The following LRRC4C variants were observed in gnomAD, a reference collection of about 807,000 sequenced individuals.
LRRC4C encodes the protein leucine rich repeat containing 4C.
In LRRC4C, 5 loss-of-function variants were observed where a neutral mutation model predicts 33.6. The ratio of observed to expected loss-of-function variants is 0.15; its 90% CI spans 0.08 to 0.31. The LOEUF (loss-of-function observed/expected upper bound fraction) is 0.31, where lower values mean the gene tolerates loss of function less well. LRRC4C is among the 10% of genes least tolerant of loss of function. The pLI, the probability that LRRC4C is intolerant of heterozygous loss-of-function variation, is 1.00. For missense variants in LRRC4C, 560 were observed against 796.7 expected (o/e 0.70, Z 3.58); for synonymous variants, 329 against 302.0 (o/e 1.09, Z -0.93).
intron 1 of LRRC4C, among the ~76,000 whole-genome samples, chr11:40,986,559 T>C (rs1853020253): frequency 6.6e-6 from 1 of 151,970 alleles, no homozygotes; most frequent in South Asian, 2.1e-4. Flanking sequence ...ATCACTGCAC[T>C]CCAGCTTAGG....
chr11:41,062,298 C>A (rs1024893699), intron 1 of LRRC4C, among the ~76,000 whole-genome samples: 2 of 152,106 alleles, frequency 1.3e-5, no homozygotes, highest in African/African-American at 4.8e-5. Context: ...CTATATGCAA[C>A]CATGCATTCT....
chr11:40,253,514 C>G (rs929117415), intron 4 of LRRC4C, among the ~76,000 whole-genome samples: 4 of 152,156 alleles, frequency 2.6e-5, no homozygotes, highest in South Asian at 4.1e-4. Flanking sequence ...ATGAGCATAA[C>G]AGTAACTACC....
chr11:40,182,171 A>C (rs1431934544), intron 5 of LRRC4C, among the ~76,000 whole-genome samples: 1 of 152,234 alleles, frequency 6.6e-6, no homozygotes, highest in South Asian at 2.1e-4. Context: ...ATTAAAGTTT[A>C]TTAAACACTT....
chr11:40,745,161 G>C (rs1056881927), intron 2 of LRRC4C, among the ~76,000 whole-genome samples: 5 of 152,128 alleles, frequency 3.3e-5, no homozygotes, highest in African/African-American at 9.7e-5. Flanking sequence ...TACGCAGAAA[G>C]CATTATCATG....
chr11:41,435,018 C>T (rs1955378327), intron 1 of LRRC4C, among the ~76,000 whole-genome samples: 1 of 152,078 alleles, frequency 6.6e-6, no homozygotes, highest in Non-Finnish European at 1.5e-5. Context: ...CCAACCTCAG[C>T]AATAAAGAGA....
At chr11:40,979,158 G>A (rs1852317565) in intron 1 of LRRC4C, among the ~76,000 whole-genome samples, 1 of 152,070 alleles carries the variant, frequency 6.6e-6, no homozygotes, top group African/African-American at 2.4e-5. Flanking sequence ...CTAGGCATAT[G>A]AGATTTGTTC....
intron 1 of LRRC4C, among the ~76,000 whole-genome samples, chr11:41,157,723 T>C (rs1031137848): frequency 1.3e-5 from 2 of 152,148 alleles, no homozygotes; most frequent in East Asian, 3.9e-4. Flanking sequence ...GATTTTGTAT[T>C]AGATATCATT....
At position 40,171,209 on chromosome 11, in the gene LRRC4C, T is replaced by C. The variant is rs764923126; in HGVS notation, c.-95-30356A>G. ...AATTTTTTATTGTTTGGTAGTTTCA[T>C]AATGATTTTAACAATCAAACTTGGT... is the stretch of plus-strand genomic sequence containing the variant. On this transcript the variant is annotated intron_variant, in intron 5 of 6. Transcript: ENST00000528697. Among the ~76,000 whole-genome samples, 35 of 152,242 alleles carry C rather than the reference T, an allele frequency of 2.3e-4. 1 individual carries two copies. Among genetic ancestry groups the C allele is most frequent in the Non-Finnish European group, 4.1e-4 (28 of 68,040 alleles).
At chr11:41,241,234 T>C (rs1948237185) in intron 1 of LRRC4C, among the ~76,000 whole-genome samples, 1 of 152,154 alleles carries the variant, frequency 6.6e-6, no homozygotes, top group Non-Finnish European at 1.5e-5. Context: ...TTTCTGTAGC[T>C]ACCCAGGAGG....
intron 5 of LRRC4C, among the ~76,000 whole-genome samples, chr11:40,229,334 G>T (rs1458809666): frequency 6.6e-6 from 1 of 151,984 alleles, no homozygotes; most frequent in Admixed American, 6.6e-5. Context: ...GTGCAGTAGC[G>T]TGATCTCAGC....
At chr11:40,451,930 A>AGACAGTGGGTGCAG (rs1270350491) in intron 3 of LRRC4C, among the ~76,000 whole-genome samples, 129 of 152,262 alleles carry the variant, frequency 8.5e-4, no homozygotes, top group African/African-American at 2.9e-3. Flanking sequence ...GGGGATTGTC[A>AGACAGTGGGTGCAG]GACAGTGGGT....
At chr11:41,287,155 A>T (rs1357666461) in intron 1 of LRRC4C, among the ~76,000 whole-genome samples, 6 of 152,238 alleles carry the variant, frequency 3.9e-5, no homozygotes, top group Non-Finnish European at 8.8e-5. Context: ...CATTAATATA[A>T]GCCACTGTCT....
chr11:40,385,892 A>AAATAAATAAATAAATAAATAAATT (rs141949687), intron 3 of LRRC4C, among the ~76,000 whole-genome samples: 4 of 116,742 alleles, frequency 3.4e-5, no homozygotes, highest in Non-Finnish European at 7.5e-5. Flanking sequence ...ATAAATAAAT[A>AAATAAATAAATAAATAAATAAATT]AAATAAAATA....
chr11:40,794,912 A>G (rs1185230435), intron 2 of LRRC4C, among the ~76,000 whole-genome samples: 1 of 152,170 alleles, frequency 6.6e-6, no homozygotes, highest in African/African-American at 2.4e-5. Flanking sequence ...CACAAGAATG[A>G]TATATTGAGT....
intron 1 of LRRC4C, among the ~76,000 whole-genome samples, chr11:41,439,528 A>C (rs34538463): frequency 0.17 from 26,165 of 152,152 alleles, 2,403 homozygotes; most frequent in Non-Finnish European, 0.2. Context: ...ACATCCTTGC[A>C]AACATCCAAT....
chr11:40,773,937 TA>T (rs1357039731), intron 2 of LRRC4C, among the ~76,000 whole-genome samples: 1 of 152,088 alleles, frequency 6.6e-6, no homozygotes, highest in East Asian at 1.9e-4. Flanking sequence ...GTTCTGCAAC[TA>T]CCAGTTATAT....
chr11:40,487,115 C>T (rs1953903632), intron 3 of LRRC4C, among the ~76,000 whole-genome samples: 1 of 152,010 alleles, frequency 6.6e-6, no homozygotes, highest in African/African-American at 2.4e-5. Context: ...ATGGCTGAAG[C>T]TTTAGCTACT....
chr11:40,327,474 A>T (rs914928111), intron 3 of LRRC4C, among the ~76,000 whole-genome samples: 3 of 152,212 alleles, frequency 2.0e-5, no homozygotes, highest in Admixed American at 6.5e-5. Context: ...AGTTGCTGTT[A>T]ATTACACTTG....
At chr11:40,355,953 T>TGTATAGTATA (rs750933194) in intron 3 of LRRC4C, among the ~76,000 whole-genome samples, 22,266 of 121,428 alleles carry the variant, frequency 0.18, 1,840 homozygotes, top group East Asian at 0.2. Context: ...AGTATAGTAT[T>TGTATAGTATA]GTATAGTATA....
Sources: gnomAD v4.1 joint callset for allele counts (sites outside exome capture counted in the v4.1 genomes callset) on GRCh38, gnomAD v4.1.1 for gene constraint, MANE v1.5 for transcripts, NCBI Gene and HGNC (gene_info 2026-07-23, HGNC 2026-07-21) for gene names.